The following PLB1 variants were observed in gnomAD, a reference collection of about 807,000 sequenced individuals.
The protein encoded by PLB1 is phospholipase B1.
In PLB1, 242 loss-of-function variants were observed where a neutral mutation model predicts 227.4. The ratio of observed to expected loss-of-function variants is 1.06; its 90% CI spans 0.96 to 1.18. The LOEUF (loss-of-function observed/expected upper bound fraction) is 1.18, where lower values mean the gene tolerates loss of function less well. PLB1 is among the 50% of genes most tolerant of loss of function. The pLI, the probability that PLB1 is intolerant of heterozygous loss-of-function variation, is 0.00. For missense variants in PLB1, 1,858 were observed against 1,816.3 expected, an observed-to-expected ratio of 1.02 and a Z score of -0.42; for synonymous variants, 757 against 682.2, an observed-to-expected ratio of 1.11 and a Z score of -1.71.
At chr2:28,619,546 CAG>C (rs558510127) in intron 46 of PLB1, among the ~76,000 whole-genome samples, 67 of 132,240 alleles carry the variant, frequency 5.1e-4, no homozygotes, top group Non-Finnish European at 9.5e-4. Flanking sequence ...TTTTTTAAGA[CAG>C]GGCATTTAGA....
intron 31 of PLB1, 47 bp downstream of exon 31, chr2:28,591,807 CTG>C: frequency 6.3e-7 from 1 of 1,578,296 alleles, no homozygotes; most frequent in Non-Finnish European, 8.7e-7. Flanking sequence ...TCCACAGGGG[CTG>C]CTATGCTGGT....
chr2:28,630,204 T>C (rs4641898), intron 53 of PLB1, among the ~76,000 whole-genome samples: 66,447 of 151,970 alleles, frequency 0.44, 15,615 homozygotes, highest in African/African-American at 0.62. Flanking sequence ...ACAGAGCCAT[T>C]GTGGCTGGTT....
intron 31 of PLB1, 51 bp from the exon 32 acceptor site, chr2:28,592,610 T>C: frequency 6.4e-7 from 1 of 1,571,168 alleles, no homozygotes; most frequent in Non-Finnish European, 8.8e-7. Flanking sequence ...CACTAGAGTG[T>C]GACTGTGGCT....
At chr2:28,515,514 C>T (rs563813907) in intron 1 of PLB1, among the ~76,000 whole-genome samples, 34 of 152,314 alleles carry the variant, frequency 2.2e-4, no homozygotes, top group South Asian at 2.1e-3. Context: ...GATCTGGAGG[C>T]GGATTCCAGT....
intron 4 of PLB1, among the ~76,000 whole-genome samples, chr2:28,524,734 C>T (rs897576027): frequency 2.0e-5 from 3 of 152,062 alleles, no homozygotes; most frequent in Non-Finnish European, 4.4e-5. Flanking sequence ...AAACGTCCCA[C>T]ACCTTCCATC....
At chr2:28,600,202 G>A (rs770775067) in intron 35 of PLB1, among the ~76,000 whole-genome samples, 130 of 152,176 alleles carry the variant, frequency 8.5e-4, no homozygotes, top group Non-Finnish European at 1.4e-3. Context: ...GAGCCACCAG[G>A]CCTGCCACCT....
rs1354181518 is a variant in PLB1, at chr2:28,543,780, C to T, written c.936+512C>T. On this transcript the variant is annotated intron_variant, in intron 14 of 57. Coordinates refer to ENST00000327757, the MANE Select transcript of PLB1 (RefSeq NM_153021.5). ...CTCTTTCTGCAAAATCCAGGTCAGC[C>T]CCTGGCCCAACATATCTAGCGCGCA... 1.1e-4 allele frequency among the ~76,000 whole-genome samples: 16 copies of T among 152,354 alleles called. No individual in the cohort carries two copies. The East Asian group carries it at 2.9e-3, about 28-fold the overall frequency.
intron 20 of PLB1, among the ~76,000 whole-genome samples, chr2:28,571,284 A>G (rs1677973175): frequency 6.6e-6 from 1 of 152,254 alleles, no homozygotes; most frequent in Non-Finnish European, 1.5e-5. Context: ...TTAAGATCAC[A>G]AAACATTGCT....
chr2:28,631,771 G>C (rs767657155), intron 54 of PLB1, among the ~76,000 whole-genome samples: 3 of 152,230 alleles, frequency 2.0e-5, no homozygotes, highest in Non-Finnish European at 4.4e-5. Context: ...GGGTGGAGCT[G>C]TGTAGCTAGG....
intron 16 of PLB1, 86 bp from the exon 17 acceptor site, chr2:28,552,842 G>A (rs1674461047): frequency 9.1e-7 from 1 of 1,097,634 alleles, no homozygotes; most frequent in Non-Finnish European, 1.4e-6. Flanking sequence ...CTTAAATGAT[G>A]TTTTCCAAAA....
At chr2:28,507,574 A>G (rs901681197) in intron 1 of PLB1, among the ~76,000 whole-genome samples, 1 of 152,346 alleles carries the variant, frequency 6.6e-6, no homozygotes, top group Admixed American at 6.5e-5. Flanking sequence ...CAAGTTTCCA[A>G]CATATGAATT....
intron 9 of PLB1, among the ~76,000 whole-genome samples, chr2:28,534,788 A>T (rs987584627): frequency 6.6e-6 from 1 of 152,056 alleles, no homozygotes; most frequent in Non-Finnish European, 1.5e-5. Context: ...CAGGAGACAG[A>T]GGTTGCAGTG....
At chr2:28,591,813 T>A (rs1404798862) in intron 31 of PLB1, 53 bp downstream of exon 31, 1 of 1,542,328 alleles carries the variant, frequency 6.5e-7, no homozygotes, top group Non-Finnish European at 8.9e-7. Flanking sequence ...GGGGCTGCTA[T>A]GCTGGTGAGT....
chr2:28,516,001 G>A (rs1668804865), intron 1 of PLB1, among the ~76,000 whole-genome samples: 1 of 152,146 alleles, frequency 6.6e-6, no homozygotes, highest in African/African-American at 2.4e-5. Flanking sequence ...ATGAAAAAAT[G>A]AACAAACAAA....
At position 28,541,745 on chromosome 2, in the gene PLB1, T is replaced by A. The variant is rs1380398798; in HGVS notation, c.813T>A (p.Ser271Arg). ...GCCTCCTGGCCTCCAGCAGGTACAG[T>A]GAGCAGGAGTCCTTCACCGTGGTTT... ...WNSLLASSRY[S>R]EQESFTVVFQ... The change falls in exon 13 of 58, where the codon AGT (serine) becomes AGA (arginine). Residue 271 changes from serine to arginine, a missense_variant. Coordinates refer to ENST00000327757, the MANE Select transcript of PLB1 (RefSeq NM_153021.5). 6.2e-7 allele frequency: 1 copy of A among 1,613,944 alleles called. No homozygotes were observed. The highest frequency in any genetic ancestry group is 1.3e-5 in the African/African-American group (1 of 74,920).
chr2:28,592,160 G>C lies in PLB1; in HGVS notation c.2188+400G>C, dbSNP rs936349851. On this transcript the variant is annotated intron_variant, in intron 31 of 57. Coordinates refer to ENST00000327757, the MANE Select transcript of PLB1 (RefSeq NM_153021.5). ...AAGTTTCCCTGGGCTGTTCAGAAGA[G>C]ATGTGGGGGCAAGGAAAGGCCCAAC... 3.5e-4 allele frequency among the ~76,000 whole-genome samples: 53 copies of C among 152,256 alleles called. 1 individual carries two copies. Among genetic ancestry groups the C allele is most frequent in the Admixed American group, 3.1e-3 (47 of 15,298 alleles).
At chr2:28,518,774 C>T (rs1031422490) in intron 3 of PLB1, among the ~76,000 whole-genome samples, 2 of 152,170 alleles carry the variant, frequency 1.3e-5, no homozygotes, top group Non-Finnish European at 2.9e-5. Context: ...GTTGTGGGAA[C>T]TGTGAGTTAG....
chr2:28,541,694 C>T lies in PLB1; in HGVS notation c.775-13C>T, dbSNP rs975751763. 1.2e-6 allele frequency: 2 copies of T among 1,607,786 alleles called. No individual in the cohort carries two copies. The highest frequency in any genetic ancestry group is 1.3e-5 in the African/African-American group (1 of 74,806). ...ATGTTCCTGGATGGGCACCTCTCTG[C>T]TCCCTTCTCCAGGAAGCCTGGAACA... On this transcript the variant is annotated splice_polypyrimidine_tract_variant and intron_variant, in intron 12 of 57. Coordinates refer to ENST00000327757, the MANE Select transcript of PLB1 (RefSeq NM_153021.5).
Position 28,589,419 on chromosome 2 carries a change from G to A in PLB1, c.1816-31G>A, listed in dbSNP as rs537234940. ...GGACCGAGCAGATGCAGAGAGGACT[G>A]CCTGACATCTGTCCCCTTTTCCTCC... On this transcript the variant is annotated intron_variant, in intron 26 of 57. Coordinates refer to ENST00000327757, the MANE Select transcript of PLB1 (RefSeq NM_153021.5). The A allele has an allele frequency of 7.1e-6, 11 of 1,553,256 alleles. No homozygotes were observed. The African/African-American group carries it at 1.5e-4, about 21-fold the overall frequency.
Sources: gnomAD v4.1 joint callset for allele counts (sites outside exome capture counted in the v4.1 genomes callset) on GRCh38, gnomAD v4.1.1 for gene constraint, MANE v1.5 for transcripts, NCBI Gene and HGNC (gene_info 2026-07-23, HGNC 2026-07-21) for gene names.